ALPK2: variants seen among roughly 807,000 people sequenced by gnomAD.
ALPK2 encodes the protein alpha kinase 2.
ALPK2 carries 127 observed loss-of-function variants against 163.1 expected under a neutral mutation model. The observed-to-expected ratio is 0.78, with a 90% CI of 0.67 to 0.90. The LOEUF (loss-of-function observed/expected upper bound fraction) is 0.90, where lower values mean the gene tolerates loss of function less well. Ranked by LOEUF, ALPK2 falls within the 40% of genes least tolerant of loss-of-function variation. The pLI is 0.00. For synonymous variants in ALPK2, 953 were observed against 959.1 expected, an observed-to-expected ratio of 0.99 and a Z score of 0.12; for missense variants, 2,360 against 2,589.6, an observed-to-expected ratio of 0.91 and a Z score of 1.92.
intron 4 of ALPK2, among the ~76,000 whole-genome samples, chr18:58,570,022 C>T (rs1356327934): frequency 6.6e-6 from 1 of 151,600 alleles, no homozygotes; most frequent in Non-Finnish European, 1.5e-5. Context: ...CCCAGCTACT[C>T]GGAAGGCCGA....
In ALPK2 at chr18:58,579,948, T is replaced by C. The variant is rs9958735; in HGVS notation, c.828A>G (p.Leu276=). 804,510 of 1,613,882 alleles carry C rather than the reference T, an allele frequency of 0.5. 201,909 individuals are homozygous for C. Among genetic ancestry groups the C allele is most frequent in the Middle Eastern group, 0.59 (3,547 of 6,062 alleles). The change falls in exon 4 of 13, where the codon CTA becomes CTG. Residue 276 remains leucine (L), a synonymous_variant. Transcript: ENST00000361673. The part of the protein sequence containing the change: ...VQKYISFSLP[L]SEATAHIYPG... The stretch of plus-strand genomic sequence containing the variant: ...GGTAAATGTGTGCAGTTGCCTCAGA[T>C]AGCGGGAGGCTGAAGCTAATGTATT...
rs1250028745 is a variant in ALPK2, at chr18:58,578,977, C to T, written c.1799G>A (p.Arg600Lys). The change falls in exon 4 of 13, where the codon AGA (arginine) becomes AAA (lysine). Residue 600 changes from arginine (R) to lysine (K), a missense_variant. Arg to Lys is a conservative substitution (Grantham distance 26). Coordinates refer to ENST00000361673, the MANE Select transcript of ALPK2 (RefSeq NM_052947.4). ...ATGRSSHADA[R>K]ECAISTQAEQ... is the part of the protein sequence containing the mutation. Reference sequence around the variant, plus strand: ...TGCCTGGGTTGAAATAGCACATTCTCTTGCATCAGCATGGGAACTCCGACC... The same window carrying T: ...TGCCTGGGTTGAAATAGCACATTCTTTTGCATCAGCATGGGAACTCCGACC... 1 of 1,614,214 alleles carries T rather than the reference C, an allele frequency of 6.2e-7. No individual in the cohort carries two copies. The highest frequency in any genetic ancestry group is 2.2e-5 in the East Asian group (1 of 44,888).
At chr18:58,627,776 T>C (rs1329985268) in intron 1 of ALPK2, among the ~76,000 whole-genome samples, 1 of 152,242 alleles carries the variant, frequency 6.6e-6, no homozygotes. Flanking sequence ...TTTGTGAAGT[T>C]GTTGATTCGG....
chr18:58,578,743 C>T, intron 4 of ALPK2, 71 bp downstream of exon 4: 1 of 1,311,916 alleles, frequency 7.6e-7, no homozygotes, highest in Non-Finnish European at 1.0e-6. Context: ...GACACACACA[C>T]ACACACACAC....
At chr18:58,620,909 A>T (rs950941251) in intron 1 of ALPK2, among the ~76,000 whole-genome samples, 1 of 152,142 alleles carries the variant, frequency 6.6e-6, no homozygotes, top group African/African-American at 2.4e-5. Context: ...TAATCCCAGC[A>T]CTTTGGGAGG....
At chr18:58,593,656 T>C (rs373569371) in intron 3 of ALPK2, among the ~76,000 whole-genome samples, 42 of 147,272 alleles carry the variant, frequency 2.9e-4, no homozygotes, top group African/African-American at 1.1e-3. Context: ...GGCGGGTGGA[T>C]CACCTGAGGT....
chr18:58,571,084 C>T (rs532632505), intron 4 of ALPK2, among the ~76,000 whole-genome samples: 11 of 151,976 alleles, frequency 7.2e-5, no homozygotes, highest in Admixed American at 2.0e-4. Context: ...TGGAGTGGTG[C>T]GATATCAGCT....
intron 3 of ALPK2, among the ~76,000 whole-genome samples, chr18:58,585,769 C>T (rs71357608): frequency 0.059 from 8,822 of 150,490 alleles, 301 homozygotes; most frequent in South Asian, 0.091. Context: ...CTGCAACCTC[C>T]ACCTCCAGGG....
chr18:58,517,966 C>T (rs1015195443), intron 8 of ALPK2, among the ~76,000 whole-genome samples: 2 of 151,966 alleles, frequency 1.3e-5, no homozygotes, highest in South Asian at 4.1e-4. Flanking sequence ...GGATTCTACA[C>T]ATGTTTGAGA....
At chr18:58,566,476 C>A (rs979008463) in intron 4 of ALPK2, 2 of 152,148 alleles carry the variant, frequency 1.3e-5, no homozygotes, top group South Asian at 4.1e-4. Flanking sequence ...GCAAATTCAT[C>A]TTCTATCATA....
At chr18:58,521,627 C>CTCTTTTTTTTTTTTTTTTTT (rs59358600) in intron 8 of ALPK2, among the ~76,000 whole-genome samples, 11 of 55,386 alleles carry the variant, frequency 2.0e-4, no homozygotes, top group East Asian at 9.2e-4. Context: ...TTCTCTCTCT[C>CTCTTTTTTTTTTTTTTTTTT]TTTTTTTTTT....
At chr18:58,482,457 G>T (rs2051316567) in intron 12 of ALPK2, among the ~76,000 whole-genome samples, 1 of 152,078 alleles carries the variant, frequency 6.6e-6, no homozygotes, top group African/African-American at 2.4e-5. Flanking sequence ...GGAACTGAAA[G>T]AAATTATTTT....
intron 1 of ALPK2, among the ~76,000 whole-genome samples, chr18:58,624,548 G>A (rs1055893924): frequency 1.3e-5 from 2 of 151,918 alleles, no homozygotes; most frequent in African/African-American, 4.8e-5. Flanking sequence ...TCTGCCTCCC[G>A]GGTTCAAGCG....
intron 4 of ALPK2, among the ~76,000 whole-genome samples, chr18:58,555,163 G>A (rs1323979621): frequency 1.3e-5 from 2 of 152,152 alleles, no homozygotes; most frequent in Non-Finnish European, 2.9e-5. Flanking sequence ...ACTTCAAGAG[G>A]GTGGGAACAC....
intron 4 of ALPK2, among the ~76,000 whole-genome samples, chr18:58,550,597 C>T: frequency 6.7e-6 from 1 of 150,130 alleles, no homozygotes; most frequent in African/African-American, 2.4e-5. Flanking sequence ...ACAACCCATC[C>T]CCATCTATAT....
intron 4 of ALPK2, among the ~76,000 whole-genome samples, chr18:58,545,377 G>A (rs2051712404): frequency 6.6e-6 from 1 of 152,240 alleles, no homozygotes. Context: ...ACCCTCTGGA[G>A]GCTCTGGGCA....
intron 4 of ALPK2, among the ~76,000 whole-genome samples, chr18:58,560,469 C>T (rs931483603): frequency 5.9e-5 from 9 of 152,324 alleles, no homozygotes; most frequent in Non-Finnish European, 8.8e-5. Flanking sequence ...GGTCCTTTCT[C>T]GACCTTCAAA....
At chr18:58,607,478 G>T (rs2144227805) in intron 2 of ALPK2, 39 bp from the exon 3 acceptor site, 29 of 1,248,896 alleles carry the variant, frequency 2.3e-5, no homozygotes, top group Non-Finnish European at 2.8e-5. Context: ...ATTAGTTTAA[G>T]TATTTTTAGG....
intron 4 of ALPK2, among the ~76,000 whole-genome samples, chr18:58,545,783 G>C (rs922347121): frequency 2.0e-5 from 3 of 151,986 alleles, no homozygotes; most frequent in African/African-American, 7.3e-5. Context: ...TCCTTCAACA[G>C]TTGTCTACAC....
Sources: gnomAD v4.1 joint callset for allele counts (sites outside exome capture counted in the v4.1 genomes callset) on GRCh38, gnomAD v4.1.1 for gene constraint, MANE v1.5 for transcripts, NCBI Gene and HGNC (gene_info 2026-07-23, HGNC 2026-07-21) for gene names.